IQSEC1: variants seen among roughly 807,000 people sequenced by gnomAD.
IQSEC1 encodes IQ motif and Sec7 domain ArfGEF 1.
Under a neutral mutation model 91.0 loss-of-function variants are expected in IQSEC1, and 31 were observed. That is an observed-to-expected ratio of 0.34 (90% CI 0.26 to 0.46). IQSEC1 has a LOEUF of 0.46. Ranked by LOEUF, IQSEC1 falls within the 20% of genes least tolerant of loss-of-function variation. The probability of loss-of-function intolerance (pLI) is 1.00; values close to 1 mark genes in which losing one functional copy is unlikely to be tolerated. For synonymous variants in IQSEC1, 699 were observed against 662.6 expected (o/e 1.05, Z -0.84); for missense variants, 1,388 against 1,575.6 (o/e 0.88, Z 2.02).
chr3:12,924,718 G>GTA lies in IQSEC1; in HGVS notation c.1591_1592dup (p.Leu532ThrfsTer29). 6.3e-7 allele frequency: 1 copy of GTA among 1,593,624 alleles called. No individual in the cohort carries two copies. Among genetic ancestry groups the GTA allele is most frequent in the Non-Finnish European group, 8.6e-7 (1 of 1,167,226 alleles). The stretch of plus-strand genomic sequence containing the variant: ...CGGGCACAAAGCCACGCTCGATGAG[G>GTA]TACTGGACTCCCTTCTCAGGCTTCC... On this transcript the variant is annotated frameshift_variant, in exon 4 of 14. Coordinates refer to ENST00000613206, the MANE Select transcript of IQSEC1 (RefSeq NM_001134382.3). LOFTEE classifies it high-confidence loss of function. This position sits in a 1 kb window ranked among gnomAD's most constrained non-coding sequence, Gnocchi z 6.3.
At chr3:12,951,354 C>T (rs963755198) in intron 1 of IQSEC1, among the ~76,000 whole-genome samples, 19 of 151,780 alleles carry the variant, frequency 1.3e-4, no homozygotes, top group African/African-American at 2.2e-4. Flanking sequence ...ACCCGGGAGG[C>T]GGAGGTTGCA....
At chr3:12,934,023 G>A (rs527634873) in intron 3 of IQSEC1, among the ~76,000 whole-genome samples, 1 of 152,202 alleles carries the variant, frequency 6.6e-6, no homozygotes, top group Non-Finnish European at 1.5e-5. Flanking sequence ...GGGCACATGG[G>A]CCTGGGTCGA....
At chr3:13,003,111 A>G (rs1702490690) in intron 1 of IQSEC1, among the ~76,000 whole-genome samples, 1 of 152,132 alleles carries the variant, frequency 6.6e-6, no homozygotes, top group Middle Eastern at 3.2e-3. Context: ...TAAACTAACT[A>G]CAGTGTATCC....
intron 2 of IQSEC1, among the ~76,000 whole-genome samples, chr3:13,117,368 C>T (rs182338171): frequency 0.025 from 3,690 of 150,340 alleles, 86 homozygotes; most frequent in Non-Finnish European, 0.039. Flanking sequence ...GGGCGGATCA[C>T]GAGGTCAGGA....
intron 12 of IQSEC1, among the ~76,000 whole-genome samples, chr3:12,905,926 T>C (rs1403665585): frequency 3.3e-5 from 5 of 152,174 alleles, no homozygotes; most frequent in Non-Finnish European, 7.4e-5. Context: ...AGGACTCTTG[T>C]GCCGCTGGAA....
intron 6 of IQSEC1, among the ~76,000 whole-genome samples, chr3:12,917,397 C>T (rs1696202190): frequency 1.3e-5 from 2 of 152,186 alleles, no homozygotes; most frequent in South Asian, 4.1e-4. Context: ...GCTCCGCATA[C>T]CCATCCTCCC....
chr3:13,238,123 A>C (rs944871363), intron 1 of IQSEC1, among the ~76,000 whole-genome samples: 2 of 152,160 alleles, frequency 1.3e-5, no homozygotes, highest in Non-Finnish European at 2.9e-5. Context: ...TGCCCCAACC[A>C]ACTAGCTGGA....
rs550245774 is a variant in IQSEC1, at chr3:12,936,948, T to C, written c.319-251A>G. On this transcript the variant is annotated intron_variant, in intron 2 of 13. Coordinates refer to ENST00000613206, the MANE Select transcript of IQSEC1 (RefSeq NM_001134382.3). Reference sequence around the variant, plus strand: ...CTCTCTCAGACCTCTTTTTTTTTTTTTTGAGACAGAATCTCGCTCTGTCAC... The same window carrying C: ...CTCTCTCAGACCTCTTTTTTTTTTTCTTGAGACAGAATCTCGCTCTGTCAC... 1.8e-4 allele frequency among the ~76,000 whole-genome samples: 27 copies of C among 152,214 alleles called. No individual in the cohort carries two copies. In the South Asian group the frequency reaches 2.7e-3, roughly 15 times the overall value.
intron 2 of IQSEC1, among the ~76,000 whole-genome samples, chr3:13,126,860 C>T (rs947764721): frequency 6.6e-6 from 1 of 152,196 alleles, no homozygotes; most frequent in Non-Finnish European, 1.5e-5. Flanking sequence ...TTTTATAGAT[C>T]ATGCTCTTGG....
In IQSEC1 at chr3:12,924,884, G is replaced by C; in HGVS notation, c.1569-142C>G. On this transcript the variant is annotated intron_variant, in intron 3 of 13. Coordinates refer to ENST00000613206, the MANE Select transcript of IQSEC1 (RefSeq NM_001134382.3). This position sits in a 1 kb window ranked among gnomAD's most constrained non-coding sequence, Gnocchi z 6.3. ...GCCTTCATCCCTGTAGGCATTCAGG[G>C]GTCTCTAGTTCCATCTCCAGCCTGG... The C allele has an allele frequency of 1.3e-6, 1 of 742,124 alleles. No homozygotes were observed. The highest frequency in any genetic ancestry group is 2.1e-6 in the Non-Finnish European group (1 of 477,138). The allele number at this position is 742,124 out of a possible 1,614,324, so 46.0% of individuals were successfully genotyped here.
intron 1 of IQSEC1, among the ~76,000 whole-genome samples, chr3:13,052,018 C>T (rs1704708652): frequency 6.6e-6 from 1 of 152,218 alleles, no homozygotes; most frequent in Non-Finnish European, 1.5e-5. Context: ...ATATCTTGCA[C>T]ACCTGCAGTA....
intron 1 of IQSEC1, among the ~76,000 whole-genome samples, chr3:13,011,362 A>G (rs549218475): frequency 1.3e-5 from 2 of 152,372 alleles, no homozygotes; most frequent in South Asian, 4.1e-4. Flanking sequence ...GATAATCATC[A>G]CTGACACTCA....
At chr3:13,226,607 G>T (rs946455502) in intron 1 of IQSEC1, among the ~76,000 whole-genome samples, 1 of 149,858 alleles carries the variant, frequency 6.7e-6, no homozygotes, top group Admixed American at 6.7e-5. Flanking sequence ...AAAAAAAATG[G>T]TTAAAAATTT....
intron 1 of IQSEC1, among the ~76,000 whole-genome samples, chr3:13,263,719 G>C (rs1337061443): frequency 6.6e-6 from 1 of 152,144 alleles, no homozygotes; most frequent in Non-Finnish European, 1.5e-5. Context: ...GGGATTACAG[G>C]CTCTTTGTGC....
At chr3:13,070,216 C>T (rs458615) in intron 1 of IQSEC1, among the ~76,000 whole-genome samples, 78,294 of 151,840 alleles carry the variant, frequency 0.52, 20,389 homozygotes, top group East Asian at 0.66. Flanking sequence ...GGGGAAGGGA[C>T]ACCACTGCCA....
chr3:12,928,919 C>T (rs1167219703), intron 3 of IQSEC1, among the ~76,000 whole-genome samples: 2 of 152,192 alleles, frequency 1.3e-5, no homozygotes, highest in Middle Eastern at 3.2e-3. Context: ...CACCCACCTC[C>T]TTCATTCATT....
chr3:13,037,254 C>A (rs1410662749), intron 1 of IQSEC1, among the ~76,000 whole-genome samples: 1 of 152,100 alleles, frequency 6.6e-6, no homozygotes, highest in Non-Finnish European at 1.5e-5. Flanking sequence ...TTCACTAAGC[C>A]CAGGAAAGTT....
chr3:12,978,808 T>C (rs1559694221), intron 1 of IQSEC1, among the ~76,000 whole-genome samples: 1 of 152,280 alleles, frequency 6.6e-6, no homozygotes, highest in East Asian at 1.9e-4. Context: ...GCAGGAATGA[T>C]TGCTAGCTGG....
At chr3:13,234,035 A>G (rs1426838034) in intron 1 of IQSEC1, among the ~76,000 whole-genome samples, 1 of 152,208 alleles carries the variant, frequency 6.6e-6, no homozygotes, top group African/African-American at 2.4e-5. Context: ...TCTGCATGCC[A>G]CTTCCGGGAT....
Sources: allele counts gnomAD v4.1 joint callset (sites outside exome capture counted in the v4.1 genomes callset), GRCh38; gene constraint gnomAD v4.1.1; non-coding constraint Gnocchi (gnomAD v3.1); transcripts MANE v1.5; gene names NCBI Gene and HGNC (gene_info 2026-07-23, HGNC 2026-07-21).